CNTN6: variants seen among roughly 807,000 people sequenced by gnomAD.
CNTN6 encodes the protein contactin-6.
Under a neutral mutation model 122.8 loss-of-function variants are expected in CNTN6, and 137 were observed. That is an observed-to-expected ratio of 1.12 (90% CI 0.97 to 1.29). The LOEUF (loss-of-function observed/expected upper bound fraction) is 1.29, where lower values mean the gene tolerates loss of function less well. Among genes scored for constraint, CNTN6 ranks in the 50% most tolerant of loss-of-function variants. The pLI, the probability that CNTN6 is intolerant of heterozygous loss-of-function variation, is 0.00. For missense variants in CNTN6, 1,634 were observed against 1,223.4 expected, an observed-to-expected ratio of 1.34 and a Z score of -5.01; for synonymous variants, 570 against 426.0, an observed-to-expected ratio of 1.34 and a Z score of -4.16.
chr3:1,351,155 G>C (rs111374379), intron 11 of CNTN6, among the ~76,000 whole-genome samples: 1 of 151,914 alleles, frequency 6.6e-6, no homozygotes, highest in Admixed American at 6.6e-5. Flanking sequence ...TAAATCCAAC[G>C]TCAGAAGCTG....
chr3:1,103,671 T>G (rs996811549), intron 1 of CNTN6, among the ~76,000 whole-genome samples: 14 of 152,290 alleles, frequency 9.2e-5, no homozygotes, highest in Middle Eastern at 6.8e-3. Context: ...ACAGCAGTTT[T>G]TAAGAAATTA....
intron 8 of CNTN6, among the ~76,000 whole-genome samples, chr3:1,322,886 T>C (rs980134082): frequency 2.6e-5 from 4 of 151,744 alleles, no homozygotes; most frequent in Non-Finnish European, 5.9e-5. Context: ...CAATATTTTT[T>C]TTCAGTAGTA....
At chr3:1,359,570 T>A (rs1356847607) in intron 12 of CNTN6, among the ~76,000 whole-genome samples, 2 of 152,124 alleles carry the variant, frequency 1.3e-5, no homozygotes, top group Non-Finnish European at 2.9e-5. Flanking sequence ...GATTACTTTA[T>A]GCATTGAAAT....
rs376075790 is a variant in CNTN6 at position 1,192,717 on chromosome 3, CCT to C, written c.56-27969_56-27968del. On this transcript the variant is annotated intron_variant, in intron 2 of 22. Coordinates refer to ENST00000446702, the MANE Select transcript of CNTN6 (RefSeq NM_001289080.2). ...TGACAACCACACACACACACACACC[CCT>C]GTTGTGCTCATATATGTATAAATAC... 1.7e-3 allele frequency among the ~76,000 whole-genome samples: 253 copies of C among 152,190 alleles called. 2 individuals carry two copies. The highest frequency in any genetic ancestry group is 5.6e-3 in the African/African-American group (234 of 41,512).
At chr3:1,341,186 G>T (rs942178878) in intron 11 of CNTN6, among the ~76,000 whole-genome samples, 6 of 145,948 alleles carry the variant, frequency 4.1e-5, no homozygotes, top group African/African-American at 7.5e-5. Context: ...TAGTTTGTTG[G>T]TTTTTTTTTT....
chr3:1,123,136 T>C (rs1452581745), intron 1 of CNTN6, among the ~76,000 whole-genome samples: 1 of 151,864 alleles, frequency 6.6e-6, no homozygotes, highest in Non-Finnish European at 1.5e-5. Flanking sequence ...GCCCTTGCAA[T>C]TACATAGAAA....
At chr3:1,389,107 A>T (rs1470306752) in intron 20 of CNTN6, among the ~76,000 whole-genome samples, 1 of 145,226 alleles carries the variant, frequency 6.9e-6, no homozygotes, top group Non-Finnish European at 1.5e-5. Context: ...AAGACACATA[A>T]TTGTCAGATT....
At chr3:1,369,392 T>C (rs1455091064) in intron 12 of CNTN6, among the ~76,000 whole-genome samples, 1 of 151,658 alleles carries the variant, frequency 6.6e-6, no homozygotes, top group Non-Finnish European at 1.5e-5. Context: ...TTTTTTTTTT[T>C]TTTTTTCCTC....
intron 11 of CNTN6, among the ~76,000 whole-genome samples, chr3:1,349,765 G>C (rs980293976): frequency 9.2e-5 from 14 of 151,704 alleles, no homozygotes; most frequent in East Asian, 7.8e-4. Context: ...ATAAAATTAA[G>C]ACAATGATCA....
At position 1,321,785 on chromosome 3, in the gene CNTN6, A is replaced by G; in HGVS notation, c.897A>G (p.Ala299=). Residue 299 remains alanine (A), a synonymous_variant, in exon 8 of 23, where the codon GCA becomes GCG. Transcript: ENST00000446702. ...ATGAAGGCTTTTATGAGTGCATTGC[A>G]AGCAACCTTCGAGGAAGAAACCTTG... ...QEDEGFYECI[A]SNLRGRNLAK... 1 of 1,611,058 alleles carries G rather than the reference A, an allele frequency of 6.2e-7. No homozygotes were observed. Among genetic ancestry groups the G allele is most frequent in the Non-Finnish European group, 8.5e-7 (1 of 1,178,272 alleles).
intron 19 of CNTN6, among the ~76,000 whole-genome samples, chr3:1,384,666 C>CTA (rs539955358): frequency 0.011 from 1,263 of 113,520 alleles, 19 homozygotes; most frequent in African/African-American, 0.038. Context: ...TTAATTTTGC[C>CTA]TATATATATA....
In CNTN6 at chr3:1,329,931, A is replaced by C. The variant is rs1702065515; in HGVS notation, c.1360A>C (p.Lys454Gln). 14 of 1,549,728 alleles carry C rather than the reference A, an allele frequency of 9.0e-6. No homozygotes were observed. Among genetic ancestry groups the C allele is most frequent in the Non-Finnish European group, 1.2e-5 (14 of 1,154,870 alleles). Residue 454 changes from lysine (K) to glutamine (Q), a missense_variant, in exon 11 of 23, where the codon AAA becomes CAA. Coordinates refer to ENST00000446702, the MANE Select transcript of CNTN6 (RefSeq NM_001289080.2). ...KRGTETLRQS[K>Q]RIFLLEDGSL... Reference sequence around the variant, plus strand: ...AGGAACGGAGACCCTTAGACAAAGCAAAAGGTAAACAAATCTTTATTTTTA... The same window carrying C: ...AGGAACGGAGACCCTTAGACAAAGCCAAAGGTAAACAAATCTTTATTTTTA...
At chr3:1,161,699 CA>C (rs1229219342) in intron 2 of CNTN6, among the ~76,000 whole-genome samples, 1 of 149,584 alleles carries the variant, frequency 6.7e-6, no homozygotes, top group Non-Finnish European at 1.5e-5. Context: ...TTATTCGGTA[CA>C]AAAAACAAGG....
intron 3 of CNTN6, among the ~76,000 whole-genome samples, chr3:1,225,327 A>G (rs1304991490): frequency 6.6e-6 from 1 of 152,138 alleles, no homozygotes; most frequent in Admixed American, 6.6e-5. Flanking sequence ...CAAAGCCCAC[A>G]CCAGGAGTTG....
intron 2 of CNTN6, among the ~76,000 whole-genome samples, chr3:1,191,608 C>T (rs146471035): frequency 6.6e-6 from 1 of 152,242 alleles, no homozygotes; most frequent in African/African-American, 2.4e-5. Context: ...ACTAAGGTTA[C>T]AGCAAATTAT....
chr3:1,112,607 A>C (rs1044324210), intron 1 of CNTN6, among the ~76,000 whole-genome samples: 1 of 152,060 alleles, frequency 6.6e-6, no homozygotes, highest in African/African-American at 2.4e-5. Flanking sequence ...GATTGTGCCC[A>C]CCCACTTTGA....
At chr3:1,283,340 G>A (rs746341406) in intron 5 of CNTN6, among the ~76,000 whole-genome samples, 6 of 152,196 alleles carry the variant, frequency 3.9e-5, no homozygotes, top group Non-Finnish European at 8.8e-5. Context: ...GCTGTATGCA[G>A]AGAGGTCTTT....
At chr3:1,206,898 T>A (rs2093965431) in intron 2 of CNTN6, among the ~76,000 whole-genome samples, 1 of 152,170 alleles carries the variant, frequency 6.6e-6, no homozygotes, top group Non-Finnish European at 1.5e-5. Context: ...TCCTACAACA[T>A]TGGCTATTGT....
intron 5 of CNTN6, among the ~76,000 whole-genome samples, chr3:1,281,911 C>T (rs898558853): frequency 6.6e-6 from 1 of 151,936 alleles, no homozygotes; most frequent in African/African-American, 2.4e-5. Flanking sequence ...AGTGTATTCA[C>T]ATAAATTATA....
Sources: gnomAD v4.1 joint callset for allele counts (sites outside exome capture counted in the v4.1 genomes callset) on GRCh38, gnomAD v4.1.1 for gene constraint, MANE v1.5 for transcripts, NCBI Gene and HGNC (gene_info 2026-07-23, HGNC 2026-07-21) for gene names.